The following ZCCHC7 variants were observed in gnomAD, a reference collection of about 807,000 sequenced individuals.
ZCCHC7 encodes zinc finger CCHC-type containing 7.
A neutral mutation model predicts 52.0 loss-of-function variants in ZCCHC7; 35 were observed. That is an observed-to-expected ratio of 0.67 (90% CI 0.51 to 0.89). The LOEUF is 0.89. Ranked by LOEUF, ZCCHC7 falls within the 40% of genes least tolerant of loss-of-function variation. The pLI is 0.00. For synonymous variants in ZCCHC7, 217 were observed against 221.5 expected (o/e 0.98, Z 0.18); for missense variants, 574 against 649.1 (o/e 0.88, Z 1.26).
At chr9:37,276,614 C>T (rs1219801681) in intron 2 of ZCCHC7, among the ~76,000 whole-genome samples, 1 of 152,130 alleles carries the variant, frequency 6.6e-6, no homozygotes, top group Non-Finnish European at 1.5e-5. Flanking sequence ...TGCTCATTTT[C>T]ATACTGTCTT....
chr9:37,221,192 C>G (rs773767700), intron 2 of ZCCHC7, among the ~76,000 whole-genome samples: 2 of 152,076 alleles, frequency 1.3e-5, no homozygotes, highest in Non-Finnish European at 2.9e-5. Context: ...AGTTTTAGGG[C>G]AGGCCTAGAG....
intron 2 of ZCCHC7, among the ~76,000 whole-genome samples, chr9:37,222,326 AGAGTGTGTGTGT>A (rs1434132702): frequency 8.2e-6 from 1 of 121,522 alleles, no homozygotes; most frequent in African/African-American, 3.1e-5. Context: ...CCAGAATAAC[AGAGTGTGTGTGT>A]GTGTGTGTGT....
chr9:37,195,433 A>G (rs1823240887), intron 2 of ZCCHC7, among the ~76,000 whole-genome samples: 1 of 152,232 alleles, frequency 6.6e-6, no homozygotes, highest in African/African-American at 2.4e-5. Flanking sequence ...TCCTTTAGAT[A>G]TATGAAAAAT....
At chr9:37,275,099 A>G (rs1350276366) in intron 2 of ZCCHC7, among the ~76,000 whole-genome samples, 4 of 152,214 alleles carry the variant, frequency 2.6e-5, no homozygotes, top group Non-Finnish European at 5.9e-5. Context: ...ACTTTGATAA[A>G]TAGTTACATA....
At chr9:37,316,002 G>A (rs1419430407) in intron 5 of ZCCHC7, among the ~76,000 whole-genome samples, 2 of 147,198 alleles carry the variant, frequency 1.4e-5, no homozygotes, top group Admixed American at 6.7e-5. Flanking sequence ...ATTGAGCCAC[G>A]TCTTCCTCAG....
At chr9:37,303,975 T>TAAA (rs1829172075) in intron 3 of ZCCHC7, among the ~76,000 whole-genome samples, 1 of 152,196 alleles carries the variant, frequency 6.6e-6, no homozygotes, top group African/African-American at 2.4e-5. Context: ...TACCTCTTTT[T>TAAA]AAGAGAACAA....
chr9:37,203,494 C>G lies in ZCCHC7; in HGVS notation c.610+76552C>G, dbSNP rs187803479. ...TGCCCCTGCCCAGTGTGTGTTGTTC[C>G]CCGCCCTGTGTTTATGTGTTCTCGT... On this transcript the variant is annotated intron_variant, in intron 2 of 8. Coordinates refer to ENST00000336755, the MANE Select transcript of ZCCHC7 (RefSeq NM_032226.3). Among the ~76,000 whole-genome samples the G allele has an allele frequency of 6.6e-5, 10 of 152,190 alleles. No homozygotes were observed. In the East Asian group the frequency reaches 1.9e-3, roughly 29 times the overall value.
intron 2 of ZCCHC7, among the ~76,000 whole-genome samples, chr9:37,157,742 C>T (rs1156818817): frequency 4.6e-5 from 7 of 152,134 alleles, no homozygotes; most frequent in Non-Finnish European, 8.8e-5. Context: ...AATGAGGTAT[C>T]ACCTCACACC....
Position 37,126,318 on chromosome 9 carries a change from G to A in ZCCHC7, c.-15G>A. 1 of 1,602,152 alleles carries A rather than the reference G, an allele frequency of 6.2e-7. No homozygotes were observed. On this transcript the variant is annotated 5_prime_UTR_variant, in exon 2 of 9. Coordinates refer to ENST00000336755, the MANE Select transcript of ZCCHC7 (RefSeq NM_032226.3). ...ACAACTTTCTCTTTTGCAGCTTCAA[G>A]GTTACTGACTTTTTATGATGTTTGG...
At chr9:37,301,296 G>A (rs1311633104) in intron 2 of ZCCHC7, among the ~76,000 whole-genome samples, 1 of 152,138 alleles carries the variant, frequency 6.6e-6, no homozygotes, top group Non-Finnish European at 1.5e-5. Context: ...GAGTTTAGAG[G>A]GTTATAGAAG....
intron 8 of ZCCHC7, among the ~76,000 whole-genome samples, chr9:37,355,644 A>G (rs1352970844): frequency 6.6e-6 from 1 of 152,184 alleles, no homozygotes; most frequent in Non-Finnish European, 1.5e-5. Flanking sequence ...GAGCCTCCTC[A>G]TTTACCAAAA....
At chr9:37,172,613 C>T (rs181520355) in intron 2 of ZCCHC7, among the ~76,000 whole-genome samples, 2 of 152,340 alleles carry the variant, frequency 1.3e-5, no homozygotes, top group South Asian at 2.1e-4. Context: ...GTGTGAGCAA[C>T]GACATGAGTG....
At position 37,127,008 on chromosome 9, in the gene ZCCHC7, A is replaced by G. The variant is rs1842567940; in HGVS notation, c.610+66A>G. On this transcript the variant is annotated intron_variant, in intron 2 of 8. Coordinates refer to ENST00000336755, the MANE Select transcript of ZCCHC7 (RefSeq NM_032226.3). ...TCATAAGGAGGACTGCTTTTCCTAG[A>G]GAAAAGACCAATAGGGTCTACTCCG... is the stretch of plus-strand genomic sequence containing the variant. 4 of 1,555,644 alleles carry G rather than the reference A, an allele frequency of 2.6e-6. No homozygotes were observed. In the African/African-American group the frequency reaches 4.1e-5, roughly 16 times the overall value.
chr9:37,295,124 G>A lies in ZCCHC7; in HGVS notation c.611-7064G>A, dbSNP rs141295249. Among the ~76,000 whole-genome samples, 16 of 152,266 alleles carry A rather than the reference G, an allele frequency of 1.1e-4. No homozygotes were observed. In the East Asian group the frequency reaches 2.9e-3, roughly 27 times the overall value. On this transcript the variant is annotated intron_variant, in intron 2 of 8. Transcript: ENST00000336755. ...AGTGATCATCACTGCTTTTGAAGGG[G>A]TACCAGATAAGACTTCAGTGGAGGT... is the stretch of plus-strand genomic sequence containing the variant.
chr9:37,232,312 C>T (rs2133317696), intron 2 of ZCCHC7, among the ~76,000 whole-genome samples: 1 of 152,324 alleles, frequency 6.6e-6, no homozygotes, highest in East Asian at 1.9e-4. Context: ...ATTCTATAGT[C>T]TTAAGCCCTG....
chr9:37,301,531 C>T (rs992281623), intron 2 of ZCCHC7, among the ~76,000 whole-genome samples: 3 of 151,904 alleles, frequency 2.0e-5, no homozygotes, highest in Non-Finnish European at 2.9e-5. Flanking sequence ...GCCTGGGAGG[C>T]GGAGGTTGCA....
chr9:37,213,126 A>C lies in ZCCHC7; in HGVS notation c.610+86184A>C, dbSNP rs186632247. 5.8e-4 allele frequency among the ~76,000 whole-genome samples: 89 copies of C among 152,340 alleles called. 1 individual carries two copies. Among genetic ancestry groups the C allele is most frequent in the Non-Finnish European group, 2.4e-4 (16 of 68,026 alleles). ...TCTGCTGAATTTTTATTTACCAATAAAATTGGTTTAGTAATGTTTAGTACC... is the reference window on the plus strand; with the variant it reads ...TCTGCTGAATTTTTATTTACCAATACAATTGGTTTAGTAATGTTTAGTACC... On this transcript the variant is annotated intron_variant, in intron 2 of 8. Transcript: ENST00000336755.
intron 2 of ZCCHC7, among the ~76,000 whole-genome samples, chr9:37,171,527 C>T (rs1588422556): frequency 2.0e-5 from 3 of 152,152 alleles, no homozygotes; most frequent in Admixed American, 6.5e-5. Flanking sequence ...GAGGAATCCT[C>T]CTCCCTCAGC....
intron 2 of ZCCHC7, among the ~76,000 whole-genome samples, chr9:37,267,601 G>A (rs555969555): frequency 2.0e-3 from 258 of 130,212 alleles, no homozygotes; most frequent in Middle Eastern, 4.5e-3. Flanking sequence ...ACAGAGTCTC[G>A]CTCTGTCACC....
Sources: allele counts gnomAD v4.1 joint callset (sites outside exome capture counted in the v4.1 genomes callset), GRCh38; gene constraint gnomAD v4.1.1; transcripts MANE v1.5; gene names NCBI Gene and HGNC (gene_info 2026-07-23, HGNC 2026-07-21).